SUPT3H: variants seen among roughly 807,000 people sequenced by gnomAD.
The protein encoded by SUPT3H is transcription initiation protein SPT3 homolog.
In SUPT3H, 44 loss-of-function variants were observed where a neutral mutation model predicts 44.3. The observed-to-expected ratio is 0.99, with a 90% CI of 0.78 to 1.28. SUPT3H has a LOEUF of 1.28. SUPT3H is among the 50% of genes most tolerant of loss of function. SUPT3H has a pLI of 0.00. For synonymous variants in SUPT3H, 124 were observed against 125.6 expected (o/e 0.99, Z 0.09); for missense variants, 380 against 387.1 (o/e 0.98, Z 0.15).
intron 2 of SUPT3H, among the ~76,000 whole-genome samples, chr6:45,199,076 G>A (rs1473621601): frequency 1.3e-5 from 2 of 151,176 alleles, no homozygotes; most frequent in African/African-American, 2.4e-5. Flanking sequence ...CATCTTTAAA[G>A]ACACAACATC....
At chr6:45,082,481 T>C (rs1795941673) in intron 3 of SUPT3H, among the ~76,000 whole-genome samples, 2 of 41,720 alleles carry the variant, frequency 4.8e-5, no homozygotes, top group Admixed American at 3.4e-4. Flanking sequence ...TGAGATGCAA[T>C]GTTTGTTCAA....
chr6:44,855,422 G>C (rs1005217838), intron 10 of SUPT3H, among the ~76,000 whole-genome samples: 1 of 152,060 alleles, frequency 6.6e-6, no homozygotes, highest in African/African-American at 2.4e-5. Context: ...GAATCAGAAG[G>C]CACAGTTTTT....
chr6:45,074,948 G>A (rs761164960), intron 3 of SUPT3H, among the ~76,000 whole-genome samples: 4 of 151,858 alleles, frequency 2.6e-5, no homozygotes, highest in South Asian at 2.1e-4. Context: ...TATGTGCTTC[G>A]TGCTACAAAT....
intron 2 of SUPT3H, among the ~76,000 whole-genome samples, chr6:45,239,495 CAGG>C (rs1360168291): frequency 6.6e-6 from 1 of 152,240 alleles, no homozygotes; most frequent in Non-Finnish European, 1.5e-5. Flanking sequence ...TCATCTTTTA[CAGG>C]AGGAGTTAAT....
chr6:44,845,736 C>T (rs149410266), intron 10 of SUPT3H, among the ~76,000 whole-genome samples: 4 of 152,278 alleles, frequency 2.6e-5, no homozygotes, highest in East Asian at 1.9e-4. Flanking sequence ...GAGGGGAGCT[C>T]GCTGGCATGA....
chr6:45,369,691 C>T lies in SUPT3H; in HGVS notation c.1-4390G>A, dbSNP rs58919251. ...TCATATCTAAGTATTTACGGGGCAC[C>T]TACTACAGGCCAAACACCGTTCTAA... On this transcript the variant is annotated intron_variant, in intron 1 of 10. Transcript: ENST00000371459. Among the ~76,000 whole-genome samples, 62 of 152,238 alleles carry T rather than the reference C, an allele frequency of 4.1e-4. No homozygotes were observed. The East Asian group carries it at 5.8e-3, about 14-fold the overall frequency.
At chr6:45,124,303 A>C (rs1239407622) in intron 2 of SUPT3H, among the ~76,000 whole-genome samples, 1 of 152,178 alleles carries the variant, frequency 6.6e-6, no homozygotes, top group Admixed American at 6.5e-5. Context: ...TATGGAAAAC[A>C]AGCAATCAAC....
chr6:44,824,007 T>C (rs1462948913), downstream of SUPT3H, among the ~76,000 whole-genome samples: 1 of 152,162 alleles, frequency 6.6e-6, no homozygotes, highest in Non-Finnish European at 1.5e-5. Context: ...GGCTGTGGTT[T>C]AGAGTTGGCT....
chr6:44,838,807 A>AG (rs1269561383), intron 10 of SUPT3H, among the ~76,000 whole-genome samples: 4 of 152,186 alleles, frequency 2.6e-5, no homozygotes, highest in African/African-American at 7.2e-5. Context: ...GACTGACAAT[A>AG]GGGGGGCATG....
chr6:44,826,672 G>A (rs548463280), downstream of SUPT3H, among the ~76,000 whole-genome samples: 12 of 152,226 alleles, frequency 7.9e-5, no homozygotes, highest in South Asian at 1.7e-3. Context: ...TGAGAACTAC[G>A]TAAAAAAATT....
At chr6:45,330,822 G>C (rs1378540697) in intron 2 of SUPT3H, among the ~76,000 whole-genome samples, 1 of 151,718 alleles carries the variant, frequency 6.6e-6, no homozygotes, top group Non-Finnish European at 1.5e-5. Flanking sequence ...CCTGAATAGA[G>C]AACTTAACAT....
chr6:44,958,872 G>T lies in SUPT3H; in HGVS notation c.580+2881C>A, dbSNP rs1248604702. On this transcript the variant is annotated intron_variant, in intron 7 of 10. Transcript: ENST00000371459. The stretch of plus-strand genomic sequence containing the variant: ...AGGAAAGTTTAAGTACTTATCAATG[G>T]TTTTTTTTTTTTTTTTTTTTTGAGA... 1.0e-4 allele frequency among the ~76,000 whole-genome samples: 10 copies of T among 98,242 alleles called. No homozygotes were observed. The South Asian group carries it at 2.9e-3, about 29-fold the overall frequency. 64.5% of individuals were successfully genotyped at this position (98,242 alleles called of 152,430 possible).
chr6:45,003,547 AC>A (rs766770328), intron 6 of SUPT3H, 105 bp downstream of exon 6: 4 of 1,347,548 alleles, frequency 3.0e-6, no homozygotes, highest in Non-Finnish European at 3.0e-6. Flanking sequence ...AAAACCACTG[AC>A]TTAGAGATTT....
At position 44,897,592 on chromosome 6, in the gene SUPT3H, C is replaced by T. The variant is rs539562589; in HGVS notation, c.912+35061G>A. Among the ~76,000 whole-genome samples the T allele has an allele frequency of 3.3e-5, 5 of 152,182 alleles. No homozygotes were observed. The South Asian group carries it at 6.2e-4, about 19-fold the overall frequency. Reference sequence around the variant, plus strand: ...ATCATTTCAAGCAAAATCATAAAACCCTAAGCAAAGGCCATGCTTCCATTT... The same window carrying T: ...ATCATTTCAAGCAAAATCATAAAACTCTAAGCAAAGGCCATGCTTCCATTT... On this transcript the variant is annotated intron_variant, in intron 10 of 10. Transcript: ENST00000371459.
chr6:45,267,207 C>A (rs898396763), intron 2 of SUPT3H, among the ~76,000 whole-genome samples: 2 of 152,064 alleles, frequency 1.3e-5, no homozygotes, highest in Non-Finnish European at 2.9e-5. Context: ...AAAGGCTGAC[C>A]ATGCCACACA....
intron 3 of SUPT3H, among the ~76,000 whole-genome samples, chr6:45,048,598 T>A (rs1309933421): frequency 6.6e-6 from 1 of 152,168 alleles, no homozygotes; most frequent in East Asian, 1.9e-4. Flanking sequence ...ATTACTCCTA[T>A]GTTCACTGCA....
intron 3 of SUPT3H, among the ~76,000 whole-genome samples, chr6:45,067,397 G>A (rs1793549119): frequency 7.9e-6 from 1 of 126,486 alleles, no homozygotes; most frequent in Admixed American, 8.5e-5. Flanking sequence ...CAGGACATAG[G>A]CATGGGCAAG....
intron 2 of SUPT3H, among the ~76,000 whole-genome samples, chr6:45,121,867 G>A (rs865930316): frequency 6.6e-6 from 1 of 151,664 alleles, no homozygotes; most frequent in Non-Finnish European, 1.5e-5. Flanking sequence ...TAGTAGAGAC[G>A]GGGTTTCACC....
intron 3 of SUPT3H, among the ~76,000 whole-genome samples, chr6:45,046,397 C>A (rs183570678): frequency 0.018 from 2,667 of 152,200 alleles, 52 homozygotes; most frequent in South Asian, 0.086. Context: ...GTGGCACGAT[C>A]TCAGCTCACT....
Sources: gnomAD v4.1 joint callset for allele counts (sites outside exome capture counted in the v4.1 genomes callset) on GRCh38, gnomAD v4.1.1 for gene constraint, MANE v1.5 for transcripts, NCBI Gene and HGNC (gene_info 2026-07-23, HGNC 2026-07-21) for gene names.